Variants in GRM7 observed in about 807,000 individuals in gnomAD.
GRM7 encodes the protein metabotropic glutamate receptor 7.
A neutral mutation model predicts 84.5 loss-of-function variants in GRM7; 35 were observed. That is an observed-to-expected ratio of 0.41 (90% confidence interval 0.32 to 0.55). The LOEUF (loss-of-function observed/expected upper bound fraction) is 0.55. GRM7 is among the 20% of genes least tolerant of loss of function. GRM7 has a pLI of 0.19. For synonymous variants in GRM7, 487 were observed against 455.1 expected (o/e 1.07, Z -0.89); for missense variants, 1,003 against 1,194.6 (o/e 0.84, Z 2.36).
chr3:7,608,632 G>A (rs1000516281), intron 8 of GRM7, among the ~76,000 whole-genome samples: 5 of 151,902 alleles, frequency 3.3e-5, no homozygotes, highest in African/African-American at 1.2e-4. Context: ...TCACATTCAT[G>A]GTTTGCAAAT....
chr3:7,647,789 G>A (rs1016191683), intron 8 of GRM7, among the ~76,000 whole-genome samples: 1 of 150,988 alleles, frequency 6.6e-6, no homozygotes, highest in Non-Finnish European at 1.5e-5. Flanking sequence ...AATGGAGGAT[G>A]GAAAGAGTCA....
chr3:6,949,690 C>G (rs908860774), intron 1 of GRM7, among the ~76,000 whole-genome samples: 56 of 152,230 alleles, frequency 3.7e-4, no homozygotes, highest in African/African-American at 9.4e-4. Context: ...CTTTCAGGTA[C>G]ACCAATCAGA....
At chr3:7,330,857 A>G (rs181021506) in intron 4 of GRM7, among the ~76,000 whole-genome samples, 1 of 152,224 alleles carries the variant, frequency 6.6e-6, no homozygotes, top group East Asian at 1.9e-4. Context: ...ACACCTAGAG[A>G]CAGGATGGTC....
At chr3:7,002,649 G>A (rs1695050318) in intron 1 of GRM7, among the ~76,000 whole-genome samples, 1 of 152,038 alleles carries the variant, frequency 6.6e-6, no homozygotes, top group Non-Finnish European at 1.5e-5. Context: ...AATGTGAATA[G>A]TATAGGATTT....
At chr3:7,608,397 A>G (rs1211894807) in intron 8 of GRM7, among the ~76,000 whole-genome samples, 1 of 151,822 alleles carries the variant, frequency 6.6e-6, no homozygotes, top group South Asian at 2.1e-4. Flanking sequence ...TTATTTTTTG[A>G]CTTTTTTAAT....
rs556433716 is a variant in GRM7 at position 7,093,942 on chromosome 3, G to C, written c.520-52510G>C. ...AAAACTCTATTTATGGGATTAAATT[G>C]CATATGTATTTTTCTTGCTATAAAC... On this transcript the variant is annotated intron_variant, in intron 1 of 9. Transcript: ENST00000357716. Among the ~76,000 whole-genome samples the C allele has an allele frequency of 1.6e-4, 25 of 152,210 alleles. No individual in the cohort carries two copies. The East Asian group carries it at 3.9e-3, about 24-fold the overall frequency.
chr3:7,708,350 C>CA lies in GRM7; in HGVS notation c.2698+28067dup, dbSNP rs35071699. On this transcript the variant is annotated intron_variant, in intron 9 of 9. Transcript: ENST00000357716. Reference sequence around the variant, plus strand: ...TAATAGTATAGAAAAGCAAACATGGCAAAAAAAAAAAATCACAAATGTGGT... The same window carrying CA: ...TAATAGTATAGAAAAGCAAACATGGCAAAAAAAAAAAAATCACAAATGTGGT... Among the ~76,000 whole-genome samples the CA allele has an allele frequency of 1.6e-3, 220 of 141,724 alleles. 1 individual carries two copies. The highest frequency in any genetic ancestry group is 2.3e-3 in the African/African-American group (89 of 39,310). The allele number at this position is 141,724 out of a possible 152,430, so 93.0% of individuals were successfully genotyped here.
rs990226773 is a variant in GRM7, at chr3:7,413,105, T to C, written c.1034-1918T>C. On this transcript the variant is annotated intron_variant, in intron 4 of 9. Coordinates refer to ENST00000357716, the MANE Select transcript of GRM7 (RefSeq NM_000844.4). ...TGTATGTCTTGTATTGGACAGCCTATTCCTAAAACAAGATAGGTAGAATCT... is the reference window on the plus strand; with the variant it reads ...TGTATGTCTTGTATTGGACAGCCTACTCCTAAAACAAGATAGGTAGAATCT... 2.6e-5 allele frequency among the ~76,000 whole-genome samples: 4 copies of C among 152,294 alleles called. No individual in the cohort carries two copies. In the East Asian group the frequency reaches 7.7e-4, roughly 29 times the overall value.
intron 1 of GRM7, among the ~76,000 whole-genome samples, chr3:7,067,271 C>A (rs1204531240): frequency 6.6e-6 from 1 of 151,856 alleles, no homozygotes; most frequent in Non-Finnish European, 1.5e-5. Context: ...CTTGTAAACC[C>A]TACGGACTCC....
chr3:7,629,625 G>T (rs945798591), intron 8 of GRM7, among the ~76,000 whole-genome samples: 3 of 152,244 alleles, frequency 2.0e-5, no homozygotes, highest in African/African-American at 7.2e-5. Context: ...ATGGTATGGG[G>T]ACAACTTCAT....
chr3:7,009,903 T>C (rs1695311197), intron 1 of GRM7, among the ~76,000 whole-genome samples: 2 of 152,128 alleles, frequency 1.3e-5, no homozygotes, highest in Admixed American at 6.5e-5. Context: ...CGAATCAGAC[T>C]CCAAAATGTT....
intron 8 of GRM7, among the ~76,000 whole-genome samples, chr3:7,639,621 A>C (rs1698270002): frequency 6.6e-6 from 1 of 152,096 alleles, no homozygotes; most frequent in Non-Finnish European, 1.5e-5. Context: ...TCCTTCCTTT[A>C]AACTCCTACT....
rs1417575860 is a variant in GRM7, at chr3:6,863,263, G to A, written c.519+1356G>A. ...TGCATAGCGGCTCTCTCCCTGGCTG[G>A]TGGTACCCAAACCTAGTTAATCTCT... is the stretch of plus-strand genomic sequence containing the variant. On this transcript the variant is annotated intron_variant, in intron 1 of 9. Transcript: ENST00000357716. The surrounding 1 kb of genome is among the most constrained non-coding windows in gnomAD (Gnocchi z 4.8). Among the ~76,000 whole-genome samples, 4 of 151,942 alleles carry A rather than the reference G, an allele frequency of 2.6e-5. No individual in the cohort carries two copies. The highest frequency in any genetic ancestry group is 5.9e-5 in the Non-Finnish European group (4 of 68,002).
At chr3:7,733,538 G>A (rs1420660172) in intron 9 of GRM7, among the ~76,000 whole-genome samples, 1 of 152,096 alleles carries the variant, frequency 6.6e-6, no homozygotes. Context: ...CAGATTTTCC[G>A]GGGACCCTTC....
chr3:7,212,938 G>T (rs1224900469), intron 2 of GRM7, among the ~76,000 whole-genome samples: 1 of 152,162 alleles, frequency 6.6e-6, no homozygotes, highest in East Asian at 1.9e-4. Context: ...GTGGAGGGAG[G>T]TGTTAATAGC....
At chr3:7,573,894 C>T (rs971008492) in intron 7 of GRM7, among the ~76,000 whole-genome samples, 2 of 152,072 alleles carry the variant, frequency 1.3e-5, no homozygotes, top group Non-Finnish European at 2.9e-5. Flanking sequence ...TTTGCATGTA[C>T]CAAATGCAGA....
At chr3:7,173,192 C>T (rs1369302897) in intron 2 of GRM7, among the ~76,000 whole-genome samples, 1 of 152,182 alleles carries the variant, frequency 6.6e-6, no homozygotes, top group South Asian at 2.1e-4. Context: ...CAATGCCCCT[C>T]TAAGGCATGA....
intron 4 of GRM7, among the ~76,000 whole-genome samples, chr3:7,407,120 A>C (rs1223601390): frequency 1.3e-5 from 2 of 152,240 alleles, no homozygotes; most frequent in African/African-American, 4.8e-5. Context: ...AACCCTTACC[A>C]CATTTCTGCA....
intron 2 of GRM7, among the ~76,000 whole-genome samples, chr3:7,235,168 G>T (rs1404393098): frequency 6.6e-6 from 1 of 152,174 alleles, no homozygotes; most frequent in Non-Finnish European, 1.5e-5. Context: ...CCATCAACTA[G>T]ACGGTAAAGT....
Sources: gnomAD v4.1 joint callset for allele counts (sites outside exome capture counted in the v4.1 genomes callset) on GRCh38, gnomAD v4.1.1 for gene constraint, Gnocchi (gnomAD v3.1) non-coding constraint, MANE v1.5 for transcripts, NCBI Gene and HGNC (gene_info 2026-07-23, HGNC 2026-07-21) for gene names.